CADPS2: variants seen among roughly 807,000 people sequenced by gnomAD.
CADPS2 encodes calcium dependent secretion activator 2.
A neutral mutation model predicts 172.5 loss-of-function variants in CADPS2; 93 were observed. That is an observed-to-expected ratio of 0.54 (90% CI 0.46 to 0.64). The LOEUF (loss-of-function observed/expected upper bound fraction) is 0.64, where lower values mean the gene tolerates loss of function less well. Among genes scored for constraint, CADPS2 ranks in the 30% least tolerant of loss-of-function variants. CADPS2 has a pLI of 0.00. For missense variants in CADPS2, 1,420 were observed against 1,565.9 expected, an observed-to-expected ratio of 0.91 and a Z score of 1.57; for synonymous variants, 546 against 555.2, an observed-to-expected ratio of 0.98 and a Z score of 0.23.
intron 4 of CADPS2, among the ~76,000 whole-genome samples, chr7:122,627,526 G>C (rs2076196494): frequency 6.6e-6 from 1 of 152,078 alleles, no homozygotes. Flanking sequence ...AGAAGCCTTT[G>C]TGTGTTCATC....
intron 1 of CADPS2, among the ~76,000 whole-genome samples, chr7:122,839,350 A>G (rs1809638321): frequency 6.6e-6 from 1 of 152,168 alleles, no homozygotes; most frequent in Non-Finnish European, 1.5e-5. Flanking sequence ...AGGCAATACC[A>G]TTCAGGACAT....
intron 3 of CADPS2, among the ~76,000 whole-genome samples, chr7:122,644,026 C>T (rs1193253411): frequency 6.6e-6 from 1 of 151,700 alleles, no homozygotes; most frequent in African/African-American, 2.4e-5. Context: ...GCCAAGATGG[C>T]GCCACTGCAC....
At chr7:122,477,717 T>A (rs775027497) in intron 12 of CADPS2, among the ~76,000 whole-genome samples, 3 of 152,174 alleles carry the variant, frequency 2.0e-5, no homozygotes, top group Non-Finnish European at 4.4e-5. Context: ...AAGGGATACA[T>A]ATAGACAGTA....
chr7:122,827,226 A>G (rs557535283), intron 1 of CADPS2, among the ~76,000 whole-genome samples: 1 of 152,198 alleles, frequency 6.6e-6, no homozygotes, highest in African/African-American at 2.4e-5. Flanking sequence ...AGATCACTCA[A>G]TATAAAAATG....
At chr7:122,386,236 C>G in intron 24 of CADPS2, 1 of 1,116,818 alleles carries the variant, frequency 9.0e-7, no homozygotes, top group Non-Finnish European at 1.2e-6. Flanking sequence ...AAAAAATATA[C>G]ATTTACAAAA....
intron 8 of CADPS2, among the ~76,000 whole-genome samples, chr7:122,523,156 C>T (rs1177222503): frequency 1.3e-5 from 2 of 152,040 alleles, no homozygotes; most frequent in African/African-American, 2.4e-5. Context: ...AAGCTGTTTT[C>T]CATAATGGCT....
At chr7:122,453,864 C>G (rs190435909) in intron 14 of CADPS2, among the ~76,000 whole-genome samples, 1 of 152,104 alleles carries the variant, frequency 6.6e-6, no homozygotes, top group African/African-American at 2.4e-5. Flanking sequence ...TGTCAACCTT[C>G]GCTAAGAAAA....
intron 1 of CADPS2, among the ~76,000 whole-genome samples, chr7:122,788,636 T>C (rs985527355): frequency 2.0e-5 from 3 of 152,212 alleles, no homozygotes; most frequent in Non-Finnish European, 4.4e-5. Flanking sequence ...TCTACCTCAT[T>C]GTCATAAGTC....
Position 122,375,253 on chromosome 7 carries a change from C to T in CADPS2, c.3387+4115G>A, listed in dbSNP as rs143810731. Among the ~76,000 whole-genome samples, 504 of 151,942 alleles carry T rather than the reference C, an allele frequency of 3.3e-3. 2 individuals are homozygous for T. The highest frequency in any genetic ancestry group is 0.023 in the East Asian group (116 of 5,148). On this transcript the variant is annotated intron_variant, in intron 25 of 29. Transcript: ENST00000449022. ...AAGCTTCAAATAACCAAAACAATTC[C>T]GAGCAAAAGAATAAATTGGAGGCAC... is the stretch of plus-strand genomic sequence containing the variant.
At chr7:122,647,367 T>C (rs899946986) in intron 3 of CADPS2, among the ~76,000 whole-genome samples, 2 of 152,332 alleles carry the variant, frequency 1.3e-5, no homozygotes, top group African/African-American at 2.4e-5. Context: ...CTTTTGACCA[T>C]TGTTCATAGA....
At chr7:122,324,531 T>G (rs764057180) in intron 29 of CADPS2, among the ~76,000 whole-genome samples, 2 of 152,088 alleles carry the variant, frequency 1.3e-5, no homozygotes, top group Non-Finnish European at 1.5e-5. Flanking sequence ...GCCCAAGAAT[T>G]TGTGGTTCTA....
chr7:122,809,333 G>A (rs1330243956), intron 1 of CADPS2, among the ~76,000 whole-genome samples: 3 of 151,752 alleles, frequency 2.0e-5, no homozygotes, highest in Admixed American at 6.6e-5. Flanking sequence ...ACTTTGGGAG[G>A]CCGAGGCGGG....
At chr7:122,818,062 T>TA (rs943496684) in intron 1 of CADPS2, among the ~76,000 whole-genome samples, 4 of 151,070 alleles carry the variant, frequency 2.6e-5, no homozygotes, top group Admixed American at 6.6e-5. Flanking sequence ...CCCAACCTCT[T>TA]ATCTCTGCAC....
chr7:122,748,355 G>A (rs2092808569), intron 1 of CADPS2, among the ~76,000 whole-genome samples: 1 of 152,138 alleles, frequency 6.6e-6, no homozygotes, highest in African/African-American at 2.4e-5. Flanking sequence ...CTCTCACGCA[G>A]GAAGAACTTT....
chr7:122,804,547 A>T (rs1563059358), intron 1 of CADPS2, among the ~76,000 whole-genome samples: 1 of 152,168 alleles, frequency 6.6e-6, no homozygotes, highest in Non-Finnish European at 1.5e-5. Flanking sequence ...CATTTTAAGG[A>T]AATGTCAAGA....
chr7:122,702,314 C>T, intron 2 of CADPS2: 1 of 1,613,788 alleles, frequency 6.2e-7, no homozygotes, highest in Non-Finnish European at 8.5e-7. Context: ...ATTTTCCGTC[C>T]CCTGGTGAGA....
At chr7:122,645,702 T>C (rs1443724267) in intron 3 of CADPS2, among the ~76,000 whole-genome samples, 9 of 137,616 alleles carry the variant, frequency 6.5e-5, no homozygotes, top group African/African-American at 1.9e-4. Flanking sequence ...TTGCTCTTAG[T>C]TAGATCCACT....
intron 19 of CADPS2, among the ~76,000 whole-genome samples, chr7:122,410,215 GC>G (rs2047135055): frequency 6.6e-6 from 1 of 151,910 alleles, no homozygotes; most frequent in Non-Finnish European, 1.5e-5. Context: ...GTGGTGGTGT[GC>G]ACCTGTAACC....
intron 1 of CADPS2, among the ~76,000 whole-genome samples, chr7:122,867,567 C>G (rs985932383): frequency 6.6e-6 from 1 of 152,148 alleles, no homozygotes; most frequent in Non-Finnish European, 1.5e-5. Context: ...AATCACCATG[C>G]CTGAGGAATG....
Sources: gnomAD v4.1 joint callset for allele counts (sites outside exome capture counted in the v4.1 genomes callset) on GRCh38, gnomAD v4.1.1 for gene constraint, MANE v1.5 for transcripts, NCBI Gene and HGNC (gene_info 2026-07-23, HGNC 2026-07-21) for gene names.